Variants in DLGAP1 observed in about 807,000 individuals in gnomAD.
The protein encoded by DLGAP1 is DLG associated protein 1.
DLGAP1 carries 11 observed loss-of-function variants against 90.8 expected under a neutral mutation model. The observed-to-expected ratio is 0.12, with a 90% CI of 0.08 to 0.20. The LOEUF (loss-of-function observed/expected upper bound fraction) is 0.20, where lower values mean the gene tolerates loss of function less well. Ranked by LOEUF, DLGAP1 falls within the 10% of genes least tolerant of loss-of-function variation. DLGAP1 has a pLI of 1.00. For missense variants in DLGAP1, 1,050 were observed against 1,333.8 expected (o/e 0.79, Z 3.31); for synonymous variants, 558 against 540.7 (o/e 1.03, Z -0.44).
chr18:3,498,859 CG>C lies in DLGAP1; in HGVS notation c.*325del. 2.9e-6 allele frequency: 1 copy of C among 342,326 alleles called. No homozygotes were observed. The highest frequency in any genetic ancestry group is 6.6e-5 in the South Asian group (1 of 15,188). 21.2% of individuals were successfully genotyped at this position (342,326 alleles called of 1,614,324 possible). A position where few individuals can be genotyped will look rare whatever the true frequency, so the allele number is the denominator to read the frequency against. On this transcript the variant is annotated 3_prime_UTR_variant, in exon 13 of 13. Coordinates refer to ENST00000315677, the MANE Select transcript of DLGAP1 (RefSeq NM_004746.4). ...ACTAGCTCGAGAGAACTGAGGACGGCGGGTGACCTAAAGGCATCACTTCTAC... is the reference window on the plus strand; with the variant it reads ...ACTAGCTCGAGAGAACTGAGGACGGCGGTGACCTAAAGGCATCACTTCTAC...
At chr18:4,450,292 G>A (rs923528071) in intron 1 of DLGAP1, among the ~76,000 whole-genome samples, 1 of 152,174 alleles carries the variant, frequency 6.6e-6, no homozygotes, top group Admixed American at 6.5e-5. Context: ...GAAAGAAGGG[G>A]TATCCAGGGA....
intron 2 of DLGAP1, among the ~76,000 whole-genome samples, chr18:4,073,130 A>G (rs1289223802): frequency 6.6e-6 from 1 of 152,168 alleles, no homozygotes; most frequent in Non-Finnish European, 1.5e-5. Flanking sequence ...AGAAGTATAA[A>G]CTGTGGAAAG....
chr18:3,699,666 T>C (rs2061213755), intron 7 of DLGAP1, among the ~76,000 whole-genome samples: 1 of 152,172 alleles, frequency 6.6e-6, no homozygotes, highest in Non-Finnish European at 1.5e-5. Context: ...TTGAGCACTG[T>C]GCTGGGAGAT....
chr18:3,749,880 T>C (rs377284589), intron 5 of DLGAP1, among the ~76,000 whole-genome samples: 5 of 152,316 alleles, frequency 3.3e-5, no homozygotes, highest in African/African-American at 1.2e-4. Flanking sequence ...TGTCTCTTTT[T>C]CTTAACTGTC....
rs573140913 is a variant in DLGAP1, at chr18:3,807,537, C to T, written c.1172+6522G>A. Among the ~76,000 whole-genome samples the T allele has an allele frequency of 6.3e-4, 96 of 152,246 alleles. 1 individual carries two copies. Among genetic ancestry groups the T allele is most frequent in the South Asian group, 2.1e-3 (10 of 4,826 alleles). On this transcript the variant is annotated intron_variant, in intron 5 of 12. Coordinates refer to ENST00000315677, the MANE Select transcript of DLGAP1 (RefSeq NM_004746.4). The stretch of plus-strand genomic sequence containing the variant: ...GAAAACACGTATGTAAAGCCCGTAG[C>T]ACTCAGTCAGGCACTTAGAACCTTG...
intron 2 of DLGAP1, among the ~76,000 whole-genome samples, chr18:4,137,170 G>A (rs1333424531): frequency 2.0e-5 from 3 of 152,158 alleles, no homozygotes; most frequent in South Asian, 4.2e-4. Flanking sequence ...TCGTCCTTGC[G>A]ATAGTTTGCT....
chr18:4,338,495 T>C (rs924349780), intron 1 of DLGAP1, among the ~76,000 whole-genome samples: 2 of 152,200 alleles, frequency 1.3e-5, no homozygotes, highest in Non-Finnish European at 2.9e-5. Context: ...CCTGATTATA[T>C]TGATCCTTCA....
At chr18:4,363,626 A>G (rs533777159) in intron 1 of DLGAP1, among the ~76,000 whole-genome samples, 76 of 152,356 alleles carry the variant, frequency 5.0e-4, no homozygotes, top group African/African-American at 1.7e-3. Context: ...AAAAGAAGAC[A>G]TTTATGCAGT....
intron 3 of DLGAP1, among the ~76,000 whole-genome samples, chr18:3,905,366 CAAAAAAAAAA>C (rs71160924): frequency 3.0e-4 from 6 of 19,820 alleles, no homozygotes; most frequent in East Asian, 1.9e-3. Context: ...GACTCCATCT[CAAAAAAAAAA>C]AAAAAAAAAA....
intron 10 of DLGAP1, among the ~76,000 whole-genome samples, chr18:3,511,961 C>CA (rs2050568798): frequency 3.9e-5 from 6 of 152,182 alleles, no homozygotes; most frequent in Admixed American, 3.9e-4. Context: ...CTCACCAGCA[C>CA]AGTAGCACCC....
intron 7 of DLGAP1, chr18:3,607,644 C>T (rs916607010): frequency 6.6e-6 from 1 of 152,198 alleles, no homozygotes; most frequent in Non-Finnish European, 1.5e-5. Context: ...TTACCTTCTC[C>T]TGACAATTTC....
At chr18:3,609,239 G>T (rs1241559465) in intron 7 of DLGAP1, among the ~76,000 whole-genome samples, 1 of 152,046 alleles carries the variant, frequency 6.6e-6, no homozygotes, top group African/African-American at 2.4e-5. Context: ...TAGAGATATG[G>T]TCTCACTATG....
Position 3,502,555 on chromosome 18 carries a change from A to G in DLGAP1, c.2662T>C (p.Phe888Leu). Reference protein sequence around the residue: ...QLSIENISMKFDELHQLKANN... With the variant: ...QLSIENISMKLDELHQLKANN... Reference sequence around the variant, plus strand: ...GCCTTTAACTGATGAAGTTCATCAAATTTCATACTAATATTTTCTATGGAC... The same window carrying G: ...GCCTTTAACTGATGAAGTTCATCAAGTTTCATACTAATATTTTCTATGGAC... Residue 888 changes from phenylalanine to leucine, a missense_variant, in exon 12 of 13, where the codon TTT (phenylalanine) becomes CTT (leucine). Transcript: ENST00000315677. The G allele has an allele frequency of 6.2e-7, 1 of 1,614,120 alleles. No homozygotes were observed. Among genetic ancestry groups the G allele is most frequent in the Non-Finnish European group, 8.5e-7 (1 of 1,180,018 alleles).
chr18:3,542,017 C>T (rs2052721921), intron 9 of DLGAP1, among the ~76,000 whole-genome samples: 1 of 152,288 alleles, frequency 6.6e-6, no homozygotes, highest in Non-Finnish European at 1.5e-5. Flanking sequence ...CTGACTCAGT[C>T]TGTGCATTCA....
At chr18:3,765,409 C>T (rs937370988) in intron 5 of DLGAP1, among the ~76,000 whole-genome samples, 4 of 150,770 alleles carry the variant, frequency 2.7e-5, no homozygotes, top group Non-Finnish European at 3.0e-5. Context: ...GGATTACAGG[C>T]GTGAGCCACT....
chr18:3,657,657 C>T (rs567768231), intron 7 of DLGAP1, among the ~76,000 whole-genome samples: 1 of 146,648 alleles, frequency 6.8e-6, no homozygotes. Flanking sequence ...GGCTGGAGTG[C>T]AGTGGCGCGA....
rs927090538 is a variant in DLGAP1, at chr18:3,660,541, A to G, written c.1591+68594T>C. Among the ~76,000 whole-genome samples the G allele has an allele frequency of 6.6e-6, 1 of 152,250 alleles. No homozygotes were observed. Among genetic ancestry groups the G allele is most frequent in the African/African-American group, 2.4e-5 (1 of 41,468 alleles). On this transcript the variant is annotated intron_variant, in intron 7 of 12. Transcript: ENST00000315677. The surrounding 1 kb of genome is among the most constrained non-coding windows in gnomAD (Gnocchi z 4.2). ...AAGGTGATCATTCCCGAGTATCCTC[A>G]AGGAGGATCTTATCAATCCCAGCAA...
intron 1 of DLGAP1, among the ~76,000 whole-genome samples, chr18:4,312,719 ATATTT>A (rs2143477370): frequency 6.6e-6 from 1 of 152,216 alleles, no homozygotes; most frequent in Non-Finnish European, 1.5e-5. Flanking sequence ...TTATTTTACC[ATATTT>A]TATTTCTAAT....
At chr18:4,308,340 GCTAC>G (rs1416874133) in intron 1 of DLGAP1, among the ~76,000 whole-genome samples, 6 of 152,136 alleles carry the variant, frequency 3.9e-5, no homozygotes, top group African/African-American at 1.4e-4. Context: ...CTTATTTTGA[GCTAC>G]ATAAAAATAT....
Sources: allele counts gnomAD v4.1 joint callset (sites outside exome capture counted in the v4.1 genomes callset), GRCh38; gene constraint gnomAD v4.1.1; non-coding constraint Gnocchi (gnomAD v3.1); transcripts MANE v1.5; gene names NCBI Gene and HGNC (gene_info 2026-07-23, HGNC 2026-07-21).